The following RAB22A variants were observed in gnomAD, a reference collection of about 807,000 sequenced individuals.
RAB22A encodes the protein ras-related protein Rab-22A.
Under a neutral mutation model 30.2 loss-of-function variants are expected in RAB22A, and 13 were observed. The observed-to-expected ratio is 0.43, with a 90% CI of 0.28 to 0.68. The LOEUF is 0.68. Among genes scored for constraint, RAB22A ranks in the 30% least tolerant of loss-of-function variants. RAB22A has a pLI of 0.18. For missense variants in RAB22A, 177 were observed against 246.8 expected (o/e 0.72, Z 1.89); for synonymous variants, 89 against 87.2 (o/e 1.02, Z -0.11).
At chr20:58,323,548 T>C (rs1600726362) in intron 2 of RAB22A, among the ~76,000 whole-genome samples, 1 of 152,186 alleles carries the variant, frequency 6.6e-6, no homozygotes, top group East Asian at 1.9e-4. Flanking sequence ...GGGTAGCTTC[T>C]ACCATCATAC....
intron 2 of RAB22A, among the ~76,000 whole-genome samples, chr20:58,341,574 G>A (rs569110783): frequency 6.6e-6 from 1 of 152,292 alleles, no homozygotes; most frequent in East Asian, 1.9e-4. Context: ...GGGTAGACAG[G>A]AAGGAGGCGT....
chr20:58,330,180 T>TG (rs971000240), intron 2 of RAB22A, among the ~76,000 whole-genome samples: 13 of 152,294 alleles, frequency 8.5e-5, no homozygotes, highest in Admixed American at 2.0e-4. Flanking sequence ...TTTTTATTCG[T>TG]GGGGGGTCCT....
chr20:58,317,675 C>T (rs1986371430), intron 2 of RAB22A, among the ~76,000 whole-genome samples: 1 of 150,652 alleles, frequency 6.6e-6, no homozygotes, highest in Admixed American at 6.6e-5. Flanking sequence ...TCTCCTGCCT[C>T]AGCCTCCCGA....
chr20:58,348,152 G>A (rs749161094), intron 3 of RAB22A, among the ~76,000 whole-genome samples: 3 of 152,042 alleles, frequency 2.0e-5, no homozygotes, highest in Non-Finnish European at 4.4e-5. Flanking sequence ...ACTTGATCCC[G>A]GGAGGTGGAG....
Position 58,360,647 on chromosome 20 carries a change from A to C in RAB22A, c.*944A>C, listed in dbSNP as rs1375108711. ...TATAAATTATGTAAATACATTAATA[A>C]ATTCTAAGTTTCATTTGACATTCCA... On this transcript the variant is annotated 3_prime_UTR_variant, in exon 7 of 7. Transcript: ENST00000244040. 1 of 152,650 alleles carries C rather than the reference A, an allele frequency of 6.6e-6. No homozygotes were observed. Among genetic ancestry groups the C allele is most frequent in the Non-Finnish European group, 1.5e-5 (1 of 68,050 alleles). The allele number at this position is 152,650 out of a possible 1,614,324, so 9.5% of individuals were successfully genotyped here. A position where few individuals can be genotyped will look rare whatever the true frequency, so the allele number is the denominator to read the frequency against.
chr20:58,312,005 C>T (rs975097741), intron 2 of RAB22A, among the ~76,000 whole-genome samples: 2 of 152,062 alleles, frequency 1.3e-5, no homozygotes, highest in Non-Finnish European at 2.9e-5. Flanking sequence ...GCCCAGGCTG[C>T]GGTGCAATGG....
chr20:58,328,376 G>A (rs1204826792), intron 2 of RAB22A, among the ~76,000 whole-genome samples: 2 of 152,006 alleles, frequency 1.3e-5, no homozygotes, highest in Non-Finnish European at 2.9e-5. Flanking sequence ...TAGAGACAGG[G>A]TCTGGCTATG....
At chr20:58,343,031 A>C (rs534834292) in intron 2 of RAB22A, among the ~76,000 whole-genome samples, 171 of 152,324 alleles carry the variant, frequency 1.1e-3, no homozygotes, top group Non-Finnish European at 1.9e-3. Context: ...TAGCTCCCTG[A>C]AAGTGAGCGG....
At chr20:58,320,361 T>C (rs1267769057) in intron 2 of RAB22A, among the ~76,000 whole-genome samples, 3 of 152,068 alleles carry the variant, frequency 2.0e-5, no homozygotes, top group Non-Finnish European at 4.4e-5. Flanking sequence ...CGTATCTCTG[T>C]TTTTTTTAAT....
rs1249380831 is a variant in RAB22A, at chr20:58,360,559, A to G, written c.*856A>G. The G allele has an allele frequency of 3.9e-5, 6 of 152,666 alleles. No homozygotes were observed. The highest frequency in any genetic ancestry group is 7.3e-5 in the Non-Finnish European group (5 of 68,036). The allele number at this position is 152,666 out of a possible 1,614,324, so 9.5% of individuals were successfully genotyped here. A position where few individuals can be genotyped will look rare whatever the true frequency, so the allele number is the denominator to read the frequency against. ...CCAAGTATTTTGGTGGGGAAAAGCA[A>G]GTATCTATTGCTTAGCATATGTAAA... On this transcript the variant is annotated 3_prime_UTR_variant, in exon 7 of 7. Coordinates refer to ENST00000244040, the MANE Select transcript of RAB22A (RefSeq NM_020673.3).
chr20:58,342,040 C>A (rs1016167287), intron 2 of RAB22A, among the ~76,000 whole-genome samples: 7 of 152,286 alleles, frequency 4.6e-5, no homozygotes, highest in South Asian at 4.1e-4. Flanking sequence ...AATAATAATA[C>A]CTTGTATAGA....
chr20:58,330,097 T>A (rs1317126785), intron 2 of RAB22A, among the ~76,000 whole-genome samples: 1 of 152,222 alleles, frequency 6.6e-6, no homozygotes, highest in Non-Finnish European at 1.5e-5. Context: ...TGACTTAAAG[T>A]ATATGAGAGG....
intron 3 of RAB22A, among the ~76,000 whole-genome samples, chr20:58,348,212 G>A (rs754576022): frequency 2.6e-5 from 4 of 152,060 alleles, no homozygotes; most frequent in East Asian, 1.9e-4. Flanking sequence ...GGGCCATGGA[G>A]TGAGACTCCA....
intron 2 of RAB22A, among the ~76,000 whole-genome samples, chr20:58,311,894 C>A (rs904050408): frequency 6.6e-6 from 1 of 152,094 alleles, no homozygotes; most frequent in African/African-American, 2.4e-5. Context: ...ATTTTACAGC[C>A]CAGGAGAGAA....
chr20:58,345,213 C>T (rs762204429), intron 3 of RAB22A, among the ~76,000 whole-genome samples: 14 of 152,152 alleles, frequency 9.2e-5, no homozygotes. Flanking sequence ...CATAAAGAAT[C>T]ATGCTGTAAT....
intron 2 of RAB22A, among the ~76,000 whole-genome samples, chr20:58,322,460 G>C (rs985227259): frequency 1.1e-4 from 17 of 152,140 alleles, no homozygotes; most frequent in Non-Finnish European, 5.9e-5. Context: ...AATTTCTGTT[G>C]TATAGCACTG....
chr20:58,329,007 A>T (rs1176883755), intron 2 of RAB22A, among the ~76,000 whole-genome samples: 4 of 151,312 alleles, frequency 2.6e-5, no homozygotes, highest in Non-Finnish European at 5.9e-5. Flanking sequence ...TGGTGACAAG[A>T]TCGCCTCGGT....
In RAB22A at chr20:58,310,020, G is replaced by A; in HGVS notation, c.36+8G>A. 1 of 1,272,140 alleles carries A rather than the reference G, an allele frequency of 7.9e-7. No individual in the cohort carries two copies. The highest frequency in any genetic ancestry group is 1.0e-6 in the Non-Finnish European group (1 of 1,002,572). 78.8% of individuals were successfully genotyped at this position (1,272,140 alleles called of 1,614,324 possible). On this transcript the variant is annotated splice_region_variant and intron_variant, in intron 1 of 6. Coordinates refer to ENST00000244040, the MANE Select transcript of RAB22A (RefSeq NM_020673.3). ...AAAGTGTGTCTGCTCGGGGTGAGTG[G>A]CGGCGGGTCCGGCCGGGAGGGCCAC...
intron 2 of RAB22A, among the ~76,000 whole-genome samples, chr20:58,333,547 A>G (rs1036453910): frequency 1.2e-4 from 19 of 152,222 alleles, no homozygotes; most frequent in Non-Finnish European, 1.5e-5. Flanking sequence ...TTTGTAACAT[A>G]TGAAGAAGTT....
Sources: allele counts gnomAD v4.1 joint callset (sites outside exome capture counted in the v4.1 genomes callset), GRCh38; gene constraint gnomAD v4.1.1; transcripts MANE v1.5; gene names NCBI Gene and HGNC (gene_info 2026-07-23, HGNC 2026-07-21).